RYR2: variants seen among roughly 807,000 people sequenced by gnomAD.
RYR2 encodes cardiac muscle ryanodine receptor-calcium release channel.
A neutral mutation model predicts 601.1 loss-of-function variants in RYR2; 227 were observed. The observed-to-expected ratio is 0.38, with a 90% CI of 0.34 to 0.42. The LOEUF (loss-of-function observed/expected upper bound fraction) is 0.42, where lower values mean the gene tolerates loss of function less well. Among genes scored for constraint, RYR2 ranks in the 10% least tolerant of loss-of-function variants. RYR2 has a pLI of 1.00. For missense variants in RYR2, 4,646 were observed against 6,156.5 expected, an observed-to-expected ratio of 0.75 and a Z score of 8.21; for synonymous variants, 2,223 against 2,175.1, an observed-to-expected ratio of 1.02 and a Z score of -0.61.
chr1:237,072,101 G>A (rs1027163183), intron 1 of RYR2, among the ~76,000 whole-genome samples: 22 of 152,192 alleles, frequency 1.4e-4, no homozygotes, highest in African/African-American at 4.8e-4. Context: ...CCATATCCAG[G>A]TGGCTGCAGC....
chr1:237,493,674 G>A (rs568087809), intron 19 of RYR2, among the ~76,000 whole-genome samples: 10 of 152,232 alleles, frequency 6.6e-5, no homozygotes, highest in Non-Finnish European at 1.2e-4. Context: ...GGATGGTCTC[G>A]AACTCCTGAC....
intron 58 of RYR2, among the ~76,000 whole-genome samples, chr1:237,669,451 G>A (rs1388908385): frequency 2.2e-4 from 34 of 151,940 alleles, no homozygotes; most frequent in African/African-American, 7.5e-4. Flanking sequence ...CAGTAGGGGC[G>A]GCCGGGCAGA....
At chr1:237,518,005 A>G (rs1218601748) in intron 24 of RYR2, among the ~76,000 whole-genome samples, 3 of 151,836 alleles carry the variant, frequency 2.0e-5, no homozygotes, top group African/African-American at 7.3e-5. Context: ...TCAGAACACA[A>G]CTCAGATATC....
chr1:237,212,321 C>T (rs636517), intron 1 of RYR2, among the ~76,000 whole-genome samples: 56,220 of 152,070 alleles, frequency 0.37, 12,486 homozygotes, highest in Admixed American at 0.49. Flanking sequence ...ACATTTTTAA[C>T]GGCTTCATGG....
Position 237,806,118 on chromosome 1 carries a change from C to G in RYR2, c.14152-19C>G. On this transcript the variant is annotated intron_variant, in intron 98 of 104. Coordinates refer to ENST00000366574, the MANE Select transcript of RYR2 (RefSeq NM_001035.3). Reference sequence around the variant, plus strand: ...TTCTGTTTTCTGACATGTTCTTTCCCCCCGTTTTGTCTTAATAGTCCTTCC... The same window carrying G: ...TTCTGTTTTCTGACATGTTCTTTCCGCCCGTTTTGTCTTAATAGTCCTTCC... 6.2e-7 allele frequency: 1 copy of G among 1,610,242 alleles called. No individual in the cohort carries two copies. The highest frequency in any genetic ancestry group is 8.5e-7 in the Non-Finnish European group (1 of 1,177,266).
chr1:237,547,269 G>A (rs564476803), intron 25 of RYR2, among the ~76,000 whole-genome samples: 3 of 152,138 alleles, frequency 2.0e-5, no homozygotes, highest in Non-Finnish European at 4.4e-5. Context: ...GCCTCCCAAA[G>A]TGCTGGGATT....
chr1:237,456,633 C>T lies in RYR2; in HGVS notation c.1510C>T (p.Arg504Cys), dbSNP rs373502556. ...CAACCTCGTGCTTGAGTGCATAGAC[C>T]GTTTGCACGTCTACAGCAGTGCAGC... ...MINLVLECID[R>C]LHVYSSAAHF... Residue 504 changes from arginine to cysteine, a missense_variant, in exon 16 of 105, where the codon CGT becomes TGT. Coordinates refer to ENST00000366574, the MANE Select transcript of RYR2 (RefSeq NM_001035.3). The T allele has an allele frequency of 3.7e-6, 6 of 1,605,006 alleles. No homozygotes were observed. Among genetic ancestry groups the T allele is most frequent in the South Asian group, 2.2e-5 (2 of 89,858 alleles).
chr1:237,238,010 C>T (rs980320637), intron 1 of RYR2, among the ~76,000 whole-genome samples: 2 of 91,330 alleles, frequency 2.2e-5, no homozygotes, highest in African/African-American at 8.2e-5. Context: ...TTCTGTCACC[C>T]ATGCTGGAGT....
Position 237,709,488 on chromosome 1 carries a change from G to A in RYR2, c.10151G>A (p.Trp3384Ter). 3 of 1,607,882 alleles carry A rather than the reference G, an allele frequency of 1.9e-6. No individual in the cohort carries two copies. Among genetic ancestry groups the A allele is most frequent in the Non-Finnish European group, 2.6e-6 (3 of 1,175,418 alleles). The change falls in exon 70 of 105, where the codon TGG becomes TAG. Residue 3384 changes from tryptophan to a stop codon, truncating the protein, a stop_gained. Transcript: ENST00000366574. LOFTEE classifies it high-confidence loss of function. The part of the protein sequence containing the change: ...IRFVDYNRAK[W>*]LKEPNPEAEE... ...TTTATTATGTGATCCAGGGCAAAGT[G>A]GCTAAAGGAGCCTAACCCAGAAGCA...
At chr1:237,618,029 A>ACCTCAGAGTGGG (rs1488074392) in intron 38 of RYR2, among the ~76,000 whole-genome samples, 9 of 152,116 alleles carry the variant, frequency 5.9e-5, no homozygotes, top group African/African-American at 2.2e-4. Flanking sequence ...TCTGGAATCT[A>ACCTCAGAGTGGG]CCTCAGAGTG....
In RYR2 at chr1:237,423,094, G is replaced by A. The variant is rs759653762; in HGVS notation, c.851G>A (p.Trp284Ter). Residue 284 changes from tryptophan (W) to a stop codon, truncating the protein, a stop_gained and splice_region_variant, in exon 12 of 105, where the codon TGG becomes TAG. Coordinates refer to ENST00000366574, the MANE Select transcript of RYR2 (RefSeq NM_001035.3). LOFTEE classifies it high-confidence loss of function. ...LWRLETLRVA[W>*]SGSHIRWGQP... ...CAAGTCCTAACTGTTTTCATTAGGT[G>A]GAGTGGAAGCCACATAAGATGGGGA... 3.1e-6 allele frequency: 5 copies of A among 1,612,316 alleles called. No individual in the cohort carries two copies. Among genetic ancestry groups the A allele is most frequent in the Non-Finnish European group, 4.2e-6 (5 of 1,179,372 alleles).
intron 1 of RYR2, among the ~76,000 whole-genome samples, chr1:237,181,916 A>G (rs1052122393): frequency 3.3e-5 from 5 of 152,328 alleles, no homozygotes; most frequent in South Asian, 2.1e-4. Context: ...TCTGGCCATC[A>G]AAAAGCAGTG....
At chr1:237,109,739 T>A (rs996201829) in intron 1 of RYR2, among the ~76,000 whole-genome samples, 116 of 146,336 alleles carry the variant, frequency 7.9e-4, no homozygotes, top group African/African-American at 2.2e-3. Context: ...AAAATAATAA[T>A]AATAATTTCC....
chr1:237,437,721 C>T (rs993992853), intron 12 of RYR2, among the ~76,000 whole-genome samples: 3 of 152,170 alleles, frequency 2.0e-5, no homozygotes, highest in African/African-American at 7.2e-5. Context: ...ACCTCTTAGA[C>T]TGAAAAAGCA....
chr1:237,500,685 C>A, intron 20 of RYR2, 26 bp from the exon 21 acceptor site: 1 of 1,536,662 alleles, frequency 6.5e-7, no homozygotes, highest in Non-Finnish European at 8.8e-7. Flanking sequence ...AATACATGAC[C>A]TTCCTTAATG....
chr1:237,734,573 C>T (rs1392947430), intron 79 of RYR2, among the ~76,000 whole-genome samples: 1 of 152,208 alleles, frequency 6.6e-6, no homozygotes, highest in Non-Finnish European at 1.5e-5. Context: ...GGCTGTTGAA[C>T]CATGAGTTGG....
In RYR2 at chr1:237,674,180, TC is replaced by T; in HGVS notation, c.8677del (p.Leu2893SerfsTer78). 6.2e-7 allele frequency: 1 copy of T among 1,612,568 alleles called. No homozygotes were observed. Among genetic ancestry groups the T allele is most frequent in the Non-Finnish European group, 8.5e-7 (1 of 1,178,718 alleles). On this transcript the variant is annotated frameshift_variant, in exon 59 of 105. Transcript: ENST00000366574. LOFTEE classifies it high-confidence loss of function. Reference sequence around the variant, plus strand: ...AAGGATAGAGAAAAAGCACAGGACATCCTCAAGTTCTTGCAGATCAATGGAT... The same window carrying T: ...AAGGATAGAGAAAAAGCACAGGACATCTCAAGTTCTTGCAGATCAATGGAT... ...KAKDREKAQD[I>X]LKFLQINGYA...
chr1:237,485,734 C>A lies in RYR2; in HGVS notation c.1709-6072C>A, dbSNP rs975173053. ...AGGTGCTTAATAAATATATATGATT[C>A]ATATGTAGGTATACATATTAATTGT... On this transcript the variant is annotated intron_variant, in intron 17 of 104. Coordinates refer to ENST00000366574, the MANE Select transcript of RYR2 (RefSeq NM_001035.3). Among the ~76,000 whole-genome samples, 6 of 152,150 alleles carry A rather than the reference C, an allele frequency of 3.9e-5. No individual in the cohort carries two copies. The East Asian group carries it at 1.2e-3, about 29-fold the overall frequency.
intron 12 of RYR2, among the ~76,000 whole-genome samples, chr1:237,428,658 T>C (rs1452139352): frequency 6.6e-6 from 1 of 151,068 alleles, no homozygotes; most frequent in African/African-American, 2.4e-5. Context: ...ATGTGGGGCG[T>C]AAAACCTAGA....
Sources: gnomAD v4.1 joint callset for allele counts (sites outside exome capture counted in the v4.1 genomes callset) on GRCh38, gnomAD v4.1.1 for gene constraint, MANE v1.5 for transcripts, NCBI Gene and HGNC (gene_info 2026-07-23, HGNC 2026-07-21) for gene names.